The following OXR1 variants were observed in gnomAD, a reference collection of about 807,000 sequenced individuals.
OXR1 encodes the protein oxidation resistance protein 1.
A neutral mutation model predicts 104.6 loss-of-function variants in OXR1; 41 were observed. The ratio of observed to expected loss-of-function variants is 0.39; its 90% CI spans 0.31 to 0.51. The LOEUF (loss-of-function observed/expected upper bound fraction) is 0.51. Ranked by LOEUF, OXR1 falls within the 20% of genes least tolerant of loss-of-function variation. OXR1 has a pLI of 0.77. For missense variants in OXR1, 955 were observed against 1,031.9 expected, an observed-to-expected ratio of 0.93 and a Z score of 1.02; for synonymous variants, 348 against 348.4, an observed-to-expected ratio of 1.00 and a Z score of 0.01.
chr8:106,382,880 G>A (rs572735297), intron 2 of OXR1, among the ~76,000 whole-genome samples: 35 of 152,010 alleles, frequency 2.3e-4, no homozygotes, highest in African/African-American at 8.2e-4. Flanking sequence ...ATTTACCCAA[G>A]TAAGCGGAGG....
intron 3 of OXR1, among the ~76,000 whole-genome samples, chr8:106,571,800 G>T (rs777439708): frequency 9.2e-5 from 14 of 152,112 alleles, no homozygotes; most frequent in Non-Finnish European, 1.3e-4. Context: ...ACAAGAGTGG[G>T]CAGGCATAGA....
intron 3 of OXR1, among the ~76,000 whole-genome samples, chr8:106,563,451 A>G (rs560847644): frequency 6.6e-6 from 1 of 152,324 alleles, no homozygotes; most frequent in Non-Finnish European, 1.5e-5. Context: ...TATCTTAAAT[A>G]TATATGCACC....
At chr8:106,566,953 TG>T (rs1211795797) in intron 3 of OXR1, among the ~76,000 whole-genome samples, 8 of 151,944 alleles carry the variant, frequency 5.3e-5, no homozygotes, top group African/African-American at 1.9e-4. Context: ...CATTACACAT[TG>T]GGGCCTGTCG....
At chr8:106,325,630 T>A (rs763115096) in intron 1 of OXR1, among the ~76,000 whole-genome samples, 46 of 152,232 alleles carry the variant, frequency 3.0e-4, no homozygotes, top group Non-Finnish European at 1.0e-4. Flanking sequence ...TCTTTACCAC[T>A]CTTGTTTTTA....
intron 2 of OXR1, among the ~76,000 whole-genome samples, chr8:106,490,767 T>C (rs1360969562): frequency 6.6e-6 from 1 of 151,952 alleles, no homozygotes; most frequent in Non-Finnish European, 1.5e-5. Context: ...CGGGGAAATA[T>C]CTCTGGCCAA....
At chr8:106,616,092 G>T (rs1821205912) in intron 3 of OXR1, among the ~76,000 whole-genome samples, 1 of 138,012 alleles carries the variant, frequency 7.2e-6, no homozygotes. Flanking sequence ...CTGGAGGGCA[G>T]TGGCAATGGT....
chr8:106,664,154 G>A (rs760995822), intron 3 of OXR1, among the ~76,000 whole-genome samples: 5 of 152,170 alleles, frequency 3.3e-5, no homozygotes, highest in Non-Finnish European at 5.9e-5. Flanking sequence ...CAGGCATGAG[G>A]TTGATTTGCC....
chr8:106,599,234 A>G (rs1164124990), intron 3 of OXR1, among the ~76,000 whole-genome samples: 1 of 152,190 alleles, frequency 6.6e-6, no homozygotes, highest in Non-Finnish European at 1.5e-5. Flanking sequence ...CTTTTAACAG[A>G]AGCTAATGCA....
At chr8:106,589,288 A>G (rs1818892321) in intron 3 of OXR1, among the ~76,000 whole-genome samples, 1 of 150,492 alleles carries the variant, frequency 6.6e-6, no homozygotes, top group African/African-American at 2.5e-5. Context: ...TAGGTTGTAA[A>G]TTGGCTGTTG....
Sources: allele counts gnomAD v4.1 joint callset (sites outside exome capture counted in the v4.1 genomes callset), GRCh38; gene constraint gnomAD v4.1.1; transcripts MANE v1.5; gene names NCBI Gene and HGNC (gene_info 2026-07-23, HGNC 2026-07-21).